The following FHL2 variants were observed in gnomAD, a reference collection of about 807,000 sequenced individuals.
FHL2 encodes four and a half LIM domains 2.
A neutral mutation model predicts 32.7 loss-of-function variants in FHL2; 20 were observed. That is an observed-to-expected ratio of 0.61 (90% CI 0.43 to 0.89). The LOEUF (loss-of-function observed/expected upper bound fraction) is 0.89, where lower values mean the gene tolerates loss of function less well. Ranked by LOEUF, FHL2 falls within the 40% of genes least tolerant of loss-of-function variation. FHL2 has a pLI of 0.00. For synonymous variants in FHL2, 123 were observed against 128.1 expected, an observed-to-expected ratio of 0.96 and a Z score of 0.27; for missense variants, 311 against 358.6, an observed-to-expected ratio of 0.87 and a Z score of 1.07.
rs1447935379 is a variant in FHL2 at position 105,398,909 on chromosome 2, G to A, written c.-143C>T. On this transcript the variant is annotated 5_prime_UTR_variant, in exon 1 of 7. Coordinates refer to ENST00000530340, the MANE Select transcript of FHL2 (RefSeq NM_001318895.3). ...CGCACCGGATTCGGCCCCCACTTCC[G>A]AGCCCTGGTGGCTAAGCCCCTCGGC... 2.0e-6 allele frequency: 3 copies of A among 1,535,916 alleles called. No homozygotes were observed. The highest frequency in any genetic ancestry group is 2.7e-5 in the East Asian group (1 of 37,376).
At chr2:105,393,137 G>A (rs942039076) in intron 2 of FHL2, among the ~76,000 whole-genome samples, 2 of 152,120 alleles carry the variant, frequency 1.3e-5, no homozygotes, top group Non-Finnish European at 2.9e-5. Context: ...ATTAGCAAAA[G>A]AAGTCTATTT....
At chr2:105,403,005 C>G (rs1270231856), upstream of FHL2, among the ~76,000 whole-genome samples, 1 of 152,170 alleles carries the variant, frequency 6.6e-6, no homozygotes, top group Non-Finnish European at 1.5e-5. Flanking sequence ...ACTATGATCT[C>G]CAGTAACTAC....
At chr2:105,391,667 C>A (rs934216050) in intron 2 of FHL2, among the ~76,000 whole-genome samples, 2 of 152,136 alleles carry the variant, frequency 1.3e-5, no homozygotes, top group African/African-American at 4.8e-5. Flanking sequence ...AGACAGGGGG[C>A]AATGACTCCT....
At chr2:105,412,315 C>T (rs1683817239) in intron 1 of FHL2, among the ~76,000 whole-genome samples, 1 of 152,138 alleles carries the variant, frequency 6.6e-6, no homozygotes, top group Non-Finnish European at 1.5e-5. Flanking sequence ...TTATGCTAAG[C>T]TTGAATGAGA....
At chr2:105,394,517 G>T (rs1682983077) in intron 2 of FHL2, among the ~76,000 whole-genome samples, 4 of 151,232 alleles carry the variant, frequency 2.6e-5, no homozygotes, top group African/African-American at 9.7e-5. Context: ...AGGCTTTAGT[G>T]AGCTATGATG....
intron 4 of FHL2, among the ~76,000 whole-genome samples, chr2:105,368,528 G>T (rs1680798332): frequency 6.6e-6 from 1 of 152,106 alleles, no homozygotes; most frequent in South Asian, 2.1e-4. Context: ...ATCCCATTTA[G>T]TAATTGCCTA....
At chr2:105,430,445 T>A (rs1267904264) in intron 1 of FHL2, among the ~76,000 whole-genome samples, 1 of 152,148 alleles carries the variant, frequency 6.6e-6, no homozygotes, top group African/African-American at 2.4e-5. Flanking sequence ...GGCGGGCAGA[T>A]CACCCGAGGT....
chr2:105,386,598 G>A (rs902564700), intron 2 of FHL2, 58 bp from the exon 3 acceptor site: 33 of 1,473,758 alleles, frequency 2.2e-5, no homozygotes, highest in African/African-American at 1.1e-4. Flanking sequence ...AGGGGTGCAC[G>A]CAAAGGCATT....
chr2:105,407,797 C>G (rs1279284002), intron 1 of FHL2, among the ~76,000 whole-genome samples: 1 of 152,114 alleles, frequency 6.6e-6, no homozygotes, highest in African/African-American at 2.4e-5. Flanking sequence ...AATCCTCCCC[C>G]CGCTGCCACC....
At chr2:105,427,066 C>T (rs1220646525) in intron 1 of FHL2, among the ~76,000 whole-genome samples, 1 of 152,068 alleles carries the variant, frequency 6.6e-6, no homozygotes. Flanking sequence ...GTAAGAGAGC[C>T]GCCCTTGGCA....
chr2:105,438,499 A>G (rs1204011041), exon 1 of FHL2: 2 of 985,438 alleles, frequency 2.0e-6, no homozygotes, highest in Non-Finnish European at 2.4e-6. Context: ...CCTTCTGTGC[A>G]GCTGCCAGCC....
upstream of FHL2, chr2:105,399,141 C>A (rs1683357614): frequency 4.4e-6 from 6 of 1,371,580 alleles, no homozygotes; most frequent in Non-Finnish European, 5.6e-6. Context: ...TGGCACCGGG[C>A]GTGGGGCGCG....
At position 105,425,640 on chromosome 2, in the gene FHL2, C is replaced by T. The variant is rs189166342; in HGVS notation, c.-25+12759G>A. On this transcript the variant is annotated intron_variant, in intron 1 of 5. Coordinates refer to the FHL2 transcript ENST00000393352. Reference sequence around the variant, plus strand: ...AGATAGGAGAAAAGCTGCCCTGTGGCGGGAGACGAGACATGTTTGCAGTAA... The same window carrying T: ...AGATAGGAGAAAAGCTGCCCTGTGGTGGGAGACGAGACATGTTTGCAGTAA... 7.5e-3 allele frequency among the ~76,000 whole-genome samples: 1,136 copies of T among 152,022 alleles called. 19 individuals carry two copies. The highest frequency in any genetic ancestry group is 0.026 in the African/African-American group (1,068 of 41,450).
chr2:105,413,248 C>A (rs1333129220), intron 1 of FHL2, among the ~76,000 whole-genome samples: 1 of 152,148 alleles, frequency 6.6e-6, no homozygotes, highest in African/African-American at 2.4e-5. Flanking sequence ...TCTCTGCAAC[C>A]CTCTTCCCTA....
rs1444827574 is a variant in FHL2 at position 105,437,872 on chromosome 2, G to A, written c.-25+527C>T. Among the ~76,000 whole-genome samples, 5 of 152,236 alleles carry A rather than the reference G, an allele frequency of 3.3e-5. No homozygotes were observed. In the East Asian group the frequency reaches 5.8e-4, roughly 18 times the overall value. On this transcript the variant is annotated intron_variant, in intron 1 of 5. Coordinates refer to the FHL2 transcript ENST00000393352. Reference sequence around the variant, plus strand: ...TCTGGGCTTTCAAACCATCAGCTGCGAAGAGTCATGTTGCATAAACACACT... The same window carrying A: ...TCTGGGCTTTCAAACCATCAGCTGCAAAGAGTCATGTTGCATAAACACACT...
chr2:105,399,121 C>T, upstream of FHL2: 1 of 1,405,658 alleles, frequency 7.1e-7, no homozygotes, highest in Non-Finnish European at 9.2e-7. Context: ...AGATGCACGC[C>T]TCGGCTCGCT....
intron 2 of FHL2, among the ~76,000 whole-genome samples, chr2:105,389,649 G>A (rs1168152615): frequency 6.6e-6 from 1 of 152,162 alleles, no homozygotes; most frequent in Non-Finnish European, 1.5e-5. Context: ...GAAAAAGAGG[G>A]TCCACTGAGC....
intron 4 of FHL2, among the ~76,000 whole-genome samples, chr2:105,372,648 G>T (rs945795706): frequency 5.3e-5 from 8 of 152,026 alleles, no homozygotes; most frequent in African/African-American, 1.9e-4. Flanking sequence ...AATTAGCCAG[G>T]TGTGGTGGTG....
In FHL2 at chr2:105,436,889, G is replaced by A. The variant is rs185260957; in HGVS notation, c.-25+1510C>T. 1.4e-4 allele frequency among the ~76,000 whole-genome samples: 22 copies of A among 152,238 alleles called. 1 individual carries two copies. In the East Asian group the frequency reaches 4.0e-3, roughly 28 times the overall value. On this transcript the variant is annotated intron_variant, in intron 1 of 5. Coordinates refer to the FHL2 transcript ENST00000393352. ...ATATAATTTTACCTCTTTCTTTGGT[G>A]GGGAGAGAATGAATTAGAATCAGTC...
Sources: allele counts gnomAD v4.1 joint callset (sites outside exome capture counted in the v4.1 genomes callset), GRCh38; gene constraint gnomAD v4.1.1; transcripts MANE v1.5; gene names NCBI Gene and HGNC (gene_info 2026-07-23, HGNC 2026-07-21).